Variants in LNPEP observed in about 807,000 individuals in gnomAD.
The protein encoded by LNPEP is leucyl and cystinyl aminopeptidase, also known as leucyl-cystinyl aminopeptidase.
In LNPEP, 64 loss-of-function variants were observed where a neutral mutation model predicts 120.6. The observed-to-expected ratio is 0.53, with a 90% CI of 0.43 to 0.65. The LOEUF (loss-of-function observed/expected upper bound fraction) is 0.65, where lower values mean the gene tolerates loss of function less well. Ranked by LOEUF, LNPEP falls within the 30% of genes least tolerant of loss-of-function variation. The pLI is 0.00. For synonymous variants in LNPEP, 435 were observed against 425.4 expected (o/e 1.02, Z -0.28); for missense variants, 1,057 against 1,200.0 (o/e 0.88, Z 1.76).
Position 97,028,673 on chromosome 5 carries a change from C to A in LNPEP, c.*140C>A. 1 of 764,190 alleles carries A rather than the reference C, an allele frequency of 1.3e-6. No homozygotes were observed. The highest frequency in any genetic ancestry group is 2.1e-6 in the Non-Finnish European group (1 of 468,502). 47.3% of individuals were successfully genotyped at this position (764,190 alleles called of 1,614,324 possible). A position where few individuals can be genotyped will look rare whatever the true frequency, so the allele number is the denominator to read the frequency against. On this transcript the variant is annotated 3_prime_UTR_variant, in exon 18 of 18. Transcript: ENST00000231368. ...TTTGGAGTTCTAGTTAGCTCAGGGCCTGACTGTATTTTTCATCCATCTTTT... is the reference window on the plus strand; with the variant it reads ...TTTGGAGTTCTAGTTAGCTCAGGGCATGACTGTATTTTTCATCCATCTTTT...
intron 1 of LNPEP, among the ~76,000 whole-genome samples, chr5:96,957,684 A>T (rs773504840): frequency 4.6e-5 from 7 of 152,030 alleles, no homozygotes; most frequent in Non-Finnish European, 8.8e-5. Flanking sequence ...ACAGAAAGAA[A>T]CGGATTCTCT....
chr5:96,943,046 G>T, intron 1 of LNPEP: 1 of 235,302 alleles, frequency 4.2e-6, no homozygotes, highest in Non-Finnish European at 8.6e-6. Context: ...TTCTTATGAA[G>T]GTTCTGAGAC....
Position 97,024,503 on chromosome 5 carries a change from T to C in LNPEP, c.2562-18T>C. 6.2e-7 allele frequency: 1 copy of C among 1,609,848 alleles called. No homozygotes were observed. Among genetic ancestry groups the C allele is most frequent in the Non-Finnish European group, 8.5e-7 (1 of 1,177,848 alleles). ...AATATTTTCTTGTTATTCTCATGTT[T>C]GACCACCTCTCTTACAGCCTACCTA... On this transcript the variant is annotated intron_variant, in intron 14 of 17. Transcript: ENST00000231368.
At position 97,030,695 on chromosome 5, in the gene LNPEP, A is replaced by C. The variant is rs1281497598; in HGVS notation, c.*2162A>C. On this transcript the variant is annotated 3_prime_UTR_variant, in exon 18 of 18. Transcript: ENST00000231368. The stretch of plus-strand genomic sequence containing the variant: ...AGTGTGGGGGGTATTGTTATGAGTA[A>C]AACTTTATCAAAACTTGGCCTGAAA... 1 of 146,644 alleles carries C rather than the reference A, an allele frequency of 6.8e-6. No homozygotes were observed. The highest frequency in any genetic ancestry group is 6.9e-5 in the Admixed American group (1 of 14,440). 9.1% of individuals were successfully genotyped at this position (146,644 alleles called of 1,614,324 possible).
intron 1 of LNPEP, among the ~76,000 whole-genome samples, chr5:96,977,453 G>A (rs578197327): frequency 4.6e-5 from 7 of 152,148 alleles, no homozygotes; most frequent in African/African-American, 1.4e-4. Flanking sequence ...ACTCAGGAAT[G>A]GTATTTAGTG....
intron 10 of LNPEP, 25 bp downstream of exon 10, chr5:97,006,258 C>T (rs745661621): frequency 6.4e-7 from 1 of 1,573,950 alleles, no homozygotes; most frequent in Non-Finnish European, 8.6e-7. Context: ...TCTTTTCATG[C>T]CATCTCTTTT....
At chr5:97,018,885 A>G (rs529677200) in intron 13 of LNPEP, among the ~76,000 whole-genome samples, 62 of 152,266 alleles carry the variant, frequency 4.1e-4, no homozygotes, top group African/African-American at 1.4e-3. Flanking sequence ...GCACATTTCA[A>G]TTGTGTTAAA....
At chr5:96,980,725 T>G (rs1023862987) in intron 2 of LNPEP, among the ~76,000 whole-genome samples, 2 of 152,168 alleles carry the variant, frequency 1.3e-5, no homozygotes, top group African/African-American at 2.4e-5. Context: ...GACATCTGCT[T>G]TATGCAATTG....
intron 9 of LNPEP, among the ~76,000 whole-genome samples, chr5:97,005,331 T>C (rs1172384478): frequency 6.6e-6 from 1 of 152,120 alleles, no homozygotes; most frequent in African/African-American, 2.4e-5. Context: ...TTAAAGAGAC[T>C]GTTGTTCAAA....
chr5:96,992,047 T>C (rs1448294914), intron 4 of LNPEP, among the ~76,000 whole-genome samples: 2 of 152,208 alleles, frequency 1.3e-5, no homozygotes, highest in African/African-American at 4.8e-5. Context: ...AAATACTGTT[T>C]TGTAAAACCC....
intron 4 of LNPEP, among the ~76,000 whole-genome samples, chr5:96,989,360 A>ATATAT (rs1230058126): frequency 2.6e-4 from 6 of 22,988 alleles, no homozygotes; most frequent in African/African-American, 1.1e-3. Flanking sequence ...ATTATATATT[A>ATATAT]TATATAATTA....
At chr5:97,026,799 TTGTGCATTTG>T in intron 16 of LNPEP, 42 bp downstream of exon 16, 1 of 1,553,150 alleles carries the variant, frequency 6.4e-7, no homozygotes, top group Admixed American at 1.8e-5. Flanking sequence ...TATTCTCAAG[TTGTGCATTTG>T]AAAAAAGCTC....
intron 1 of LNPEP, among the ~76,000 whole-genome samples, chr5:96,940,589 G>C (rs969629316): frequency 6.6e-6 from 1 of 152,220 alleles, no homozygotes; most frequent in Non-Finnish European, 1.5e-5. Context: ...GTCTAAGACA[G>C]TATTCTAATT....
At position 97,026,150 on chromosome 5, in the gene LNPEP, T is replaced by G. The variant is rs544102706; in HGVS notation, c.2724-467T>G. On this transcript the variant is annotated intron_variant, in intron 15 of 17. Transcript: ENST00000231368. ...ATTGTTGTGTCAAGGACTTAGAACA[T>G]TATTTAGTACATAGTGTCAGTAAAT... Among the ~76,000 whole-genome samples, 98 of 152,304 alleles carry G rather than the reference T, an allele frequency of 6.4e-4. 1 individual carries two copies. In the South Asian group the frequency reaches 7.0e-3, roughly 11 times the overall value.
intron 14 of LNPEP, 148 bp from the exon 15 acceptor site, chr5:97,024,373 A>C (rs1391590872): frequency 1.5e-6 from 1 of 664,974 alleles, no homozygotes; most frequent in Admixed American, 2.8e-5. Flanking sequence ...GCAGTCACTG[A>C]ATTAAACTTT....
rs371113040 is a variant in LNPEP, at chr5:96,979,307, G to A, written c.189G>A (p.Met63Ile). The part of the protein sequence containing the change: ...LLVRGLGEHE[M>I]EEDEEDYESS... ...TGCGGGGTCTTGGTGAGCATGAGAT[G>A]GAGGAGGATGAAGAGGATTATGAGT... is the stretch of plus-strand genomic sequence containing the variant. The change falls in exon 2 of 18, where the codon ATG becomes ATA. Residue 63 changes from methionine (M) to isoleucine (I), a missense_variant. By Grantham distance (10) the Met-to-Ile change is conservative. Coordinates refer to ENST00000231368, the MANE Select transcript of LNPEP (RefSeq NM_005575.3). 46 of 1,614,028 alleles carry A rather than the reference G, an allele frequency of 2.9e-5. No individual in the cohort carries two copies. The African/African-American group carries it at 3.2e-4, about 11-fold the overall frequency.
intron 1 of LNPEP, among the ~76,000 whole-genome samples, chr5:96,971,322 T>A (rs913963552): frequency 6.6e-6 from 1 of 150,944 alleles, no homozygotes; most frequent in African/African-American, 2.4e-5. Context: ...GTTTTGACCA[T>A]GATGTGCTTA....
intron 1 of LNPEP, among the ~76,000 whole-genome samples, chr5:96,956,605 TG>T (rs1001525251): frequency 1.3e-5 from 2 of 152,260 alleles, no homozygotes; most frequent in Non-Finnish European, 2.9e-5. Context: ...TCTTTACTTT[TG>T]GTTTGCAGCA....
rs773449828 is a variant in LNPEP, at chr5:97,024,523, T to A, written c.2564T>A (p.Leu855Gln). The change falls in exon 15 of 18, where the codon CTA becomes CAA. Residue 855 changes from leucine (L) to glutamine (Q), a missense_variant and splice_region_variant. Coordinates refer to ENST00000231368, the MANE Select transcript of LNPEP (RefSeq NM_005575.3). Reference sequence around the variant, plus strand: ...ATGTTTGACCACCTCTCTTACAGCCTACCTACTGATGTCATGACAACTGTG... The same window carrying A: ...ATGTTTGACCACCTCTCTTACAGCCAACCTACTGATGTCATGACAACTGTG... ...DWMASNGTQS[L>Q]PTDVMTTVFK... 1 of 1,613,562 alleles carries A rather than the reference T, an allele frequency of 6.2e-7. No homozygotes were observed. Among genetic ancestry groups the A allele is most frequent in the African/African-American group, 1.3e-5 (1 of 75,042 alleles).
Sources: allele counts gnomAD v4.1 joint callset (sites outside exome capture counted in the v4.1 genomes callset), GRCh38; gene constraint gnomAD v4.1.1; transcripts MANE v1.5; gene names NCBI Gene and HGNC (gene_info 2026-07-23, HGNC 2026-07-21).